The following TCF7L1 variants were observed in gnomAD, a reference collection of about 807,000 sequenced individuals.
TCF7L1 encodes transcription factor 7 like 1, also known as transcription factor 7-like 1.
In TCF7L1, 18 loss-of-function variants were observed where a neutral mutation model predicts 63.7. The ratio of observed to expected loss-of-function variants is 0.28; its 90% CI spans 0.20 to 0.42. The LOEUF is 0.42. Ranked by LOEUF, TCF7L1 falls within the 10% of genes least tolerant of loss-of-function variation. The pLI is 1.00. For missense variants in TCF7L1, 654 were observed against 779.3 expected, an observed-to-expected ratio of 0.84 and a Z score of 1.91; for synonymous variants, 355 against 340.9, an observed-to-expected ratio of 1.04 and a Z score of -0.46.
chr2:85,147,676 C>T (rs1335556271), intron 3 of TCF7L1, among the ~76,000 whole-genome samples: 1 of 152,102 alleles, frequency 6.6e-6, no homozygotes, highest in Admixed American at 6.5e-5. Flanking sequence ...TGAAGCTGCC[C>T]TTGGGGATCC....
intron 3 of TCF7L1, among the ~76,000 whole-genome samples, chr2:85,175,944 C>G (rs1678669989): frequency 6.6e-6 from 1 of 152,230 alleles, no homozygotes; most frequent in South Asian, 2.1e-4. Flanking sequence ...TCAGGTGGAT[C>G]TCTTAAAATC....
At chr2:85,208,369 GGA>G (rs935459637) in intron 3 of TCF7L1, among the ~76,000 whole-genome samples, 1 of 152,128 alleles carries the variant, frequency 6.6e-6, no homozygotes, top group Non-Finnish European at 1.5e-5. Context: ...CCTTCTGGCA[GGA>G]GAGAGAGACA....
At chr2:85,249,281 C>T (rs1281410663) in intron 3 of TCF7L1, among the ~76,000 whole-genome samples, 1 of 152,228 alleles carries the variant, frequency 6.6e-6, no homozygotes, top group Admixed American at 6.5e-5. Flanking sequence ...AAAGTGGTCC[C>T]TCGCTGGCCT....
intron 3 of TCF7L1, among the ~76,000 whole-genome samples, chr2:85,161,374 A>C (rs548613398): frequency 1.3e-4 from 20 of 152,292 alleles, no homozygotes; most frequent in African/African-American, 4.6e-4. Flanking sequence ...AGGGGCATGG[A>C]AGTCAGTCTG....
rs1205557528 is a variant in TCF7L1, at chr2:85,307,644, TAAGAAA to T, written c.1266_1271del (p.Lys423_Lys424del). ...CTTCCTTTGGCTGTATTTTCCAGGG[TAAGAAA>T]AAGAAGAGGAAGAGAGAAAAGCAGC... On this transcript the variant is annotated inframe_deletion, in exon 11 of 12. Coordinates refer to ENST00000282111, the MANE Select transcript of TCF7L1 (RefSeq NM_031283.3). 6.2e-7 allele frequency: 1 copy of T among 1,613,546 alleles called. No homozygotes were observed. The highest frequency in any genetic ancestry group is 1.3e-5 in the African/African-American group (1 of 74,996).
At chr2:85,149,283 A>C (rs531981488) in intron 3 of TCF7L1, among the ~76,000 whole-genome samples, 1 of 150,520 alleles carries the variant, frequency 6.6e-6, no homozygotes, top group East Asian at 2.0e-4. Flanking sequence ...TAATGTGCAT[A>C]TATATGTGTG....
chr2:85,180,234 G>GT (rs533753747), intron 3 of TCF7L1, among the ~76,000 whole-genome samples: 4,821 of 139,258 alleles, frequency 0.035, 290 homozygotes, highest in African/African-American at 0.11. Context: ...TTTTGTTTTT[G>GT]TTTTTTTTTT....
intron 3 of TCF7L1, among the ~76,000 whole-genome samples, chr2:85,135,721 C>CTT (rs1018103245): frequency 6.6e-6 from 1 of 151,766 alleles, no homozygotes; most frequent in African/African-American, 2.4e-5. Flanking sequence ...GGAAGAGACT[C>CTT]TGACTGAGAG....
At position 85,303,902 on chromosome 2, in the gene TCF7L1, C is replaced by T. The variant is rs1025251929; in HGVS notation, c.666C>T (p.Pro222=). ...SPEIDPKTGI[P]RPPHPSELSP... ...ATCTCTCTTTGGAAGCAGGAATCCC[C>T]CGGCCCCCTCACCCATCCGAGCTGT... is the stretch of plus-strand genomic sequence containing the variant. The change falls in exon 6 of 12, where the codon CCC becomes CCT. Residue 222 remains proline, a synonymous_variant. Transcript: ENST00000282111. 6.8e-6 allele frequency: 11 copies of T among 1,611,200 alleles called. No homozygotes were observed. The highest frequency in any genetic ancestry group is 9.3e-6 in the Non-Finnish European group (11 of 1,178,124).
intron 3 of TCF7L1, among the ~76,000 whole-genome samples, chr2:85,200,288 G>T (rs972593533): frequency 2.0e-5 from 3 of 152,106 alleles, no homozygotes; most frequent in Non-Finnish European, 4.4e-5. Context: ...CTATGCAGGG[G>T]TTAGGACGCC....
At chr2:85,146,188 C>T (rs1472350619) in intron 3 of TCF7L1, among the ~76,000 whole-genome samples, 1 of 152,218 alleles carries the variant, frequency 6.6e-6, no homozygotes, top group Non-Finnish European at 1.5e-5. Context: ...TCTTCCTACA[C>T]TGAATTCTTG....
intron 3 of TCF7L1, among the ~76,000 whole-genome samples, chr2:85,192,955 C>G (rs1323685820): frequency 3.9e-5 from 6 of 152,106 alleles, no homozygotes; most frequent in African/African-American, 1.4e-4. Flanking sequence ...TCATAAAGCA[C>G]CAGGATTACA....
intron 3 of TCF7L1, among the ~76,000 whole-genome samples, chr2:85,215,749 A>G (rs1679685816): frequency 4.5e-5 from 1 of 22,470 alleles, no homozygotes; most frequent in Non-Finnish European, 8.2e-5. Flanking sequence ...GCAGAGCCCA[A>G]GGCTGCTGGG....
chr2:85,279,214 C>T (rs1042535918), intron 3 of TCF7L1, among the ~76,000 whole-genome samples: 1 of 152,218 alleles, frequency 6.6e-6, no homozygotes, highest in East Asian at 1.9e-4. Context: ...CATGCTCCCA[C>T]CCATGAGTGA....
In TCF7L1 at chr2:85,302,541, A is replaced by T. The variant is rs770023008; in HGVS notation, c.583A>T (p.Ile195Phe). 6.8e-6 allele frequency: 11 copies of T among 1,613,966 alleles called. No homozygotes were observed. Among genetic ancestry groups the T allele is most frequent in the Non-Finnish European group, 9.3e-6 (11 of 1,180,030 alleles). ...TCACATGCATCCGCTGACTCCCCTC[A>T]TCACCTACAGCAATGACCACTTCTC... ...PHHMHPLTPL[I>F]TYSNDHFSPG... The change falls in exon 5 of 12, where the codon ATC (isoleucine) becomes TTC (phenylalanine). Residue 195 changes from isoleucine to phenylalanine, a missense_variant. Around this residue, in one of 3 missense-constraint regions of TCF7L1, gnomAD observed 404 missense variants for 454.8 expected, o/e 0.89. Coordinates refer to ENST00000282111, the MANE Select transcript of TCF7L1 (RefSeq NM_031283.3).
rs1207644541 is a variant in TCF7L1, at chr2:85,303,961, G to A, written c.725G>A (p.Gly242Glu). Residue 242 changes from glycine (G) to glutamate (E), a missense_variant, in exon 6 of 12, where the codon GGA (glycine) becomes GAA (glutamate). Coordinates refer to ENST00000282111, the MANE Select transcript of TCF7L1 (RefSeq NM_031283.3). ...PYYPLSPGAV[G>E]QIPHPLGWLV... Reference sequence around the variant, plus strand: ...TACCCACTCTCTCCCGGAGCTGTCGGACAAATCCCCCACCCCCTCGGCTGG... The same window carrying A: ...TACCCACTCTCTCCCGGAGCTGTCGAACAAATCCCCCACCCCCTCGGCTGG... 8.1e-6 allele frequency: 13 copies of A among 1,613,632 alleles called. No homozygotes were observed. Among genetic ancestry groups the A allele is most frequent in the Non-Finnish European group, 1.0e-5 (12 of 1,179,780 alleles).
At chr2:85,241,708 G>T (rs1680337358) in intron 3 of TCF7L1, among the ~76,000 whole-genome samples, 1 of 152,090 alleles carries the variant, frequency 6.6e-6, no homozygotes, top group South Asian at 2.1e-4. Flanking sequence ...GCCTCCTAAA[G>T]TGCTGGGATT....
intron 3 of TCF7L1, among the ~76,000 whole-genome samples, chr2:85,195,870 A>C (rs747078): frequency 0.23 from 35,458 of 152,118 alleles, 4,762 homozygotes; most frequent in Non-Finnish European, 0.31. Flanking sequence ...TAAAAACCAT[A>C]AAAAGAGTCC....
intron 3 of TCF7L1, among the ~76,000 whole-genome samples, chr2:85,227,109 C>T (rs1166482485): frequency 6.6e-6 from 1 of 152,174 alleles, no homozygotes; most frequent in African/African-American, 2.4e-5. Flanking sequence ...TGAGTTGGTG[C>T]TTAACAAATG....
Sources: allele counts gnomAD v4.1 joint callset (sites outside exome capture counted in the v4.1 genomes callset), GRCh38; gene constraint gnomAD v4.1.1; regional missense constraint gnomAD v4.1.1; transcripts MANE v1.5; gene names NCBI Gene and HGNC (gene_info 2026-07-23, HGNC 2026-07-21).